ARHGEF11: variants seen among roughly 807,000 people sequenced by gnomAD.
The protein encoded by ARHGEF11 is Rho guanine nucleotide exchange factor 11.
A neutral mutation model predicts 193.7 loss-of-function variants in ARHGEF11; 55 were observed. That is an observed-to-expected ratio of 0.28 (90% CI 0.23 to 0.36). ARHGEF11 has a LOEUF of 0.36. ARHGEF11 is among the 10% of genes least tolerant of loss of function. The pLI is 1.00. For synonymous variants in ARHGEF11, 693 were observed against 768.0 expected (o/e 0.90, Z 1.62); for missense variants, 1,723 against 2,005.6 (o/e 0.86, Z 2.69).
In ARHGEF11 at chr1:156,937,464, G is replaced by A. The variant is rs367893154; in HGVS notation, c.4225C>T (p.Pro1409Ser). ...GAGTGGTCGGTGCTTGAGTCCGGGG[G>A]TCCTGATGGCATGCTGACATAAAAG... ...NCFYVSMPSG[P>S]PDSSTDHSEA... The change falls in exon 39 of 41, where the codon CCC becomes TCC. Residue 1409 changes from proline to serine, a missense_variant. Physicochemically the swap from Pro to Ser is moderately conservative, Grantham distance 74. Transcript: ENST00000368194. 5.2e-6 allele frequency: 8 copies of A among 1,536,258 alleles called. No individual in the cohort carries two copies. The African/African-American group carries it at 5.6e-5, about 11-fold the overall frequency.
chr1:157,029,885 C>A (rs1409333759), intron 1 of ARHGEF11, among the ~76,000 whole-genome samples: 1 of 152,066 alleles, frequency 6.6e-6, no homozygotes, highest in Non-Finnish European at 1.5e-5. Flanking sequence ...GTGAAGGAAG[C>A]CAGACACAAC....
chr1:156,940,177 G>A, intron 36 of ARHGEF11, 30 bp downstream of exon 36: 1 of 1,540,882 alleles, frequency 6.5e-7, no homozygotes, highest in Non-Finnish European at 8.8e-7. Context: ...TGGGGACCAG[G>A]GGCTGACGGC....
rs1325836608 is a variant in ARHGEF11, at chr1:156,980,500, G to A, written c.224-14C>T. ...TGGCTGCACCTCCTGTAAGGAGAAGGCCTGGTCAGCAGTGCCCAACAACCT... is the reference window on the plus strand; with the variant it reads ...TGGCTGCACCTCCTGTAAGGAGAAGACCTGGTCAGCAGTGCCCAACAACCT... On this transcript the variant is annotated splice_polypyrimidine_tract_variant and intron_variant, in intron 3 of 40. Coordinates refer to ENST00000368194, the MANE Select transcript of ARHGEF11 (RefSeq NM_198236.3). The A allele has an allele frequency of 1.3e-6, 2 of 1,585,432 alleles. No homozygotes were observed. The highest frequency in any genetic ancestry group is 1.7e-4 in the Middle Eastern group (1 of 6,026).
chr1:157,027,739 T>C (rs1352677827), intron 1 of ARHGEF11, among the ~76,000 whole-genome samples: 1 of 152,224 alleles, frequency 6.6e-6, no homozygotes, highest in Admixed American at 6.5e-5. Flanking sequence ...TCTTCTCCCC[T>C]GATCCTGGGT....
intron 9 of ARHGEF11, 47 bp downstream of exon 9, chr1:156,969,951 C>A (rs1289534516): frequency 6.2e-7 from 1 of 1,602,266 alleles, no homozygotes; most frequent in Non-Finnish European, 8.5e-7. Context: ...GGTAAGAAAC[C>A]TGGACTAGAG....
chr1:157,029,254 G>C (rs1480365304), intron 1 of ARHGEF11, among the ~76,000 whole-genome samples: 1 of 52,822 alleles, frequency 1.9e-5, no homozygotes, highest in Non-Finnish European at 4.0e-5. Context: ...CAACCACTTT[G>C]GTGGTTTTTG....
intron 11 of ARHGEF11, 179 bp from the exon 12 acceptor site, chr1:156,963,773 A>C: frequency 7.0e-7 from 1 of 1,428,820 alleles, no homozygotes; most frequent in Non-Finnish European, 9.1e-7. Flanking sequence ...TTCCACTTGC[A>C]GGAAGTCAAC....
rs915844304 is a variant in ARHGEF11 at position 156,959,134 on chromosome 1, G to C, written c.1291C>G (p.Leu431Val). The C allele has an allele frequency of 1.9e-6, 3 of 1,614,024 alleles. No homozygotes were observed. In the African/African-American group the frequency reaches 4.0e-5, roughly 22 times the overall value. ...CCACGGGCATCTTCGCTGTTCCGCA[G>C]GCGCGAGTCTGTAGTGGGAGATCAG... ...EMLQAEIDSR[L>V]RNSEDARGVL... is the part of the protein sequence containing the mutation. The change falls in exon 16 of 41, where the codon CTG becomes GTG. Residue 431 changes from leucine to valine, a missense_variant. This residue lies in a region of ARHGEF11 where 646 missense variants were observed against 710.7 expected (regional missense o/e 0.91). Transcript: ENST00000368194.
At chr1:157,000,427 C>T (rs764980265) in intron 1 of ARHGEF11, among the ~76,000 whole-genome samples, 3 of 152,152 alleles carry the variant, frequency 2.0e-5, no homozygotes, top group Admixed American at 1.3e-4. Context: ...GGAGTTGTTA[C>T]TTGAGTCGAC....
Position 156,968,111 on chromosome 1 carries a change from C to T in ARHGEF11, c.839G>A (p.Arg280Gln), listed in dbSNP as rs201112397. The T allele has an allele frequency of 1.5e-5, 24 of 1,609,042 alleles. No individual in the cohort carries two copies. Among genetic ancestry groups the T allele is most frequent in the Non-Finnish European group, 2.0e-5 (23 of 1,176,528 alleles). The change falls in exon 11 of 41, where the codon CGG becomes CAG. Residue 280 changes from arginine to glutamine, a missense_variant. Coordinates refer to ENST00000368194, the MANE Select transcript of ARHGEF11 (RefSeq NM_198236.3). The stretch of plus-strand genomic sequence containing the variant: ...CCCAGGGTCTGACAGTACCGAGTTC[C>T]GATTCATCAATGACTAGAGAAACAA... Reference protein sequence around the residue: ...FPSLSESLMNRNSVLSDPGLD... With the variant: ...FPSLSESLMNQNSVLSDPGLD...
chr1:156,987,587 G>C (rs940053681), intron 1 of ARHGEF11, among the ~76,000 whole-genome samples: 3 of 152,342 alleles, frequency 2.0e-5, no homozygotes, highest in African/African-American at 7.2e-5. Flanking sequence ...CACAGGAATG[G>C]AAATGCAGGC....
At position 157,011,240 on chromosome 1, in the gene ARHGEF11, T is replaced by C. The variant is rs141352065; in HGVS notation, c.33-25067A>G. The stretch of plus-strand genomic sequence containing the variant: ...CCAGGACAATTCAGTGGAGAGGTAA[T>C]AGACTTTTCAATAAATGGTGCTAAG... On this transcript the variant is annotated intron_variant, in intron 1 of 40. Transcript: ENST00000368194. Among the ~76,000 whole-genome samples, 945 of 152,282 alleles carry C rather than the reference T, an allele frequency of 6.2e-3. 9 individuals carry two copies. The highest frequency in any genetic ancestry group is 0.021 in the African/African-American group (873 of 41,542).
Position 156,961,880 on chromosome 1 carries a change from A to G in ARHGEF11, c.1141-105T>C. ...TCTGGAGACATTTTTAGTTGTTACA[A>G]CTACTGGGCAAGTGCGGTGCTACTG... On this transcript the variant is annotated intron_variant, in intron 13 of 40. Transcript: ENST00000368194. The G allele has an allele frequency of 3.2e-6, 3 of 946,474 alleles. No homozygotes were observed. In the South Asian group the frequency reaches 4.1e-5, roughly 13 times the overall value. The allele number at this position is 946,474 out of a possible 1,614,324, so 58.6% of individuals were successfully genotyped here. A position where few individuals can be genotyped will look rare whatever the true frequency, so the allele number is the denominator to read the frequency against.
chr1:156,946,536 CGT>C, intron 28 of ARHGEF11, 124 bp downstream of exon 28: 1 of 1,318,890 alleles, frequency 7.6e-7, no homozygotes. Flanking sequence ...TTTTGAGGAG[CGT>C]GTGTCGAAGG....
intron 1 of ARHGEF11, among the ~76,000 whole-genome samples, chr1:157,007,915 T>G (rs1333030689): frequency 5.9e-4 from 20 of 33,846 alleles, no homozygotes; most frequent in Middle Eastern, 0.05. Context: ...TTTTTTTTGT[T>G]TTTTTTTTTT....
intron 1 of ARHGEF11, among the ~76,000 whole-genome samples, chr1:157,037,686 G>A (rs1672212611): frequency 6.6e-6 from 1 of 152,138 alleles, no homozygotes. Context: ...CAGCAATTAT[G>A]TACCATCTTT....
At position 156,943,864 on chromosome 1, in the gene ARHGEF11, C is replaced by T. The variant is rs1004467634; in HGVS notation, c.3235+71G>A. 7.1e-6 allele frequency: 11 copies of T among 1,541,438 alleles called. No homozygotes were observed. The African/African-American group carries it at 9.6e-5, about 13-fold the overall frequency. ...GGTCCTGTAAAGGCTCCAGACTGGC[C>T]CTGCCTCACCCAGCACTTGCTGGAC... On this transcript the variant is annotated intron_variant, in intron 32 of 40. Coordinates refer to ENST00000368194, the MANE Select transcript of ARHGEF11 (RefSeq NM_198236.3).
At chr1:156,967,844 CT>C in intron 11 of ARHGEF11, 142 bp downstream of exon 11, 1 of 1,030,402 alleles carries the variant, frequency 9.7e-7, no homozygotes, top group Non-Finnish European at 1.5e-6. Flanking sequence ...TATTTGCTCT[CT>C]ATGTAAGTGA....
intron 18 of ARHGEF11, 125 bp downstream of exon 18, chr1:156,957,667 C>T: frequency 1.8e-6 from 2 of 1,082,740 alleles, no homozygotes; most frequent in South Asian, 1.3e-5. Flanking sequence ...TTTCAGGAAC[C>T]ACGGTCCTTC....
Sources: gnomAD v4.1 joint callset for allele counts (sites outside exome capture counted in the v4.1 genomes callset) on GRCh38, gnomAD v4.1.1 for gene constraint, gnomAD v4.1.1 regional missense constraint, MANE v1.5 for transcripts, NCBI Gene and HGNC (gene_info 2026-07-23, HGNC 2026-07-21) for gene names.